The following ASH1L variants were observed in gnomAD, a reference collection of about 807,000 sequenced individuals.
The protein encoded by ASH1L is ASH1 like histone lysine methyltransferase, also known as histone-lysine N-methyltransferase ASH1L.
Under a neutral mutation model 269.0 loss-of-function variants are expected in ASH1L, and 23 were observed. The ratio of observed to expected loss-of-function variants is 0.09; its 90% CI spans 0.06 to 0.12. The LOEUF is 0.12. Ranked by LOEUF, ASH1L falls within the 10% of genes least tolerant of loss-of-function variation. The pLI, the probability that ASH1L is intolerant of heterozygous loss-of-function variation, is 1.00. For missense variants in ASH1L, 2,912 were observed against 3,567.8 expected (o/e 0.82, Z 4.68); for synonymous variants, 1,187 against 1,253.5 (o/e 0.95, Z 1.12).
chr1:155,386,923 GA>G (rs1231760456), intron 7 of ASH1L, among the ~76,000 whole-genome samples: 1 of 151,792 alleles, frequency 6.6e-6, no homozygotes, highest in African/African-American at 2.4e-5. Context: ...CCTATGTCCT[GA>G]ATGGTACTGC....
chr1:155,478,588 G>A lies in ASH1L; in HGVS notation c.4282C>T (p.His1428Tyr). The change falls in exon 3 of 28, where the codon CAT becomes TAT. Residue 1428 changes from histidine (H) to tyrosine (Y), a missense_variant. By Grantham distance (83) the His-to-Tyr change is moderately conservative (BLOSUM62 2). Transcript: ENST00000392403. The surrounding 1 kb of genome is among the most constrained non-coding windows in gnomAD (Gnocchi z 4.6). ...TTPLPPPSYM[H>Y]AGHLLLNPAK... ...GGATTGAGAAGTAAATGACCAGCAT[G>A]CATATAGGAAGGAGGTGGAAGTGGC... 1.2e-6 allele frequency: 2 copies of A among 1,614,024 alleles called. No individual in the cohort carries two copies. The highest frequency in any genetic ancestry group is 1.7e-6 in the Non-Finnish European group (2 of 1,180,012).
At chr1:155,361,211 G>A (rs563978462) in intron 12 of ASH1L, among the ~76,000 whole-genome samples, 5 of 151,474 alleles carry the variant, frequency 3.3e-5, no homozygotes, top group African/African-American at 4.9e-5. Flanking sequence ...GTGAAACCCC[G>A]TCTCTACTAA....
intron 6 of ASH1L, among the ~76,000 whole-genome samples, chr1:155,407,561 T>C (rs553907151): frequency 6.6e-6 from 1 of 152,282 alleles, no homozygotes; most frequent in Non-Finnish European, 1.5e-5. Flanking sequence ...CTATGAAGTA[T>C]CTATATAATC....
At position 155,562,694 on chromosome 1, in the gene ASH1L, C is replaced by T. The variant is rs1037676905; in HGVS notation, c.-641G>A. ...CCGCGCGCCAGCCAGCCCGTACGCG[C>T]TCACCCACAGGAACCCCCTCGTCCA... On this transcript the variant is annotated 5_prime_UTR_variant, in exon 1 of 28. Transcript: ENST00000392403. 3.3e-6 allele frequency: 5 copies of T among 1,508,878 alleles called. No homozygotes were observed. The highest frequency in any genetic ancestry group is 1.4e-5 in the African/African-American group (1 of 72,372). The allele number at this position is 1,508,878 out of a possible 1,614,324, so 93.5% of individuals were successfully genotyped here.
chr1:155,557,532 G>A (rs569728223), intron 1 of ASH1L, among the ~76,000 whole-genome samples: 5 of 151,684 alleles, frequency 3.3e-5, no homozygotes, highest in Admixed American at 1.3e-4. Flanking sequence ...CGCCCACCTC[G>A]GCCTCCCAAA....
chr1:155,523,506 TTG>T (rs1183093958), intron 1 of ASH1L, among the ~76,000 whole-genome samples: 2 of 152,158 alleles, frequency 1.3e-5, no homozygotes, highest in Admixed American at 6.5e-5. Context: ...GAAAAAATAG[TTG>T]TCTTATGACT....
rs557836630 is a variant in ASH1L at position 155,418,590 on chromosome 1, T to C, written c.5829-2667A>G. On this transcript the variant is annotated intron_variant, in intron 5 of 27. Coordinates refer to ENST00000392403, the MANE Select transcript of ASH1L (RefSeq NM_018489.3). Reference sequence around the variant, plus strand: ...AACAAAAACCAGATATACAATGATGTAACATTCACAAAATAAAAAATTCAC... The same window carrying C: ...AACAAAAACCAGATATACAATGATGCAACATTCACAAAATAAAAAATTCAC... 5.9e-5 allele frequency among the ~76,000 whole-genome samples: 9 copies of C among 152,172 alleles called. No individual in the cohort carries two copies. In the South Asian group the frequency reaches 1.7e-3, roughly 28 times the overall value.
At chr1:155,541,223 C>A (rs1670406933) in intron 1 of ASH1L, among the ~76,000 whole-genome samples, 1 of 152,100 alleles carries the variant, frequency 6.6e-6, no homozygotes, top group Non-Finnish European at 1.5e-5. Flanking sequence ...CAAAAAATAT[C>A]TATTGAATGA....
chr1:155,352,980 GCA>G (rs1654063414), intron 16 of ASH1L, 122 bp from the exon 17 acceptor site: 1 of 834,018 alleles, frequency 1.2e-6, no homozygotes, highest in Non-Finnish European at 1.8e-6. Context: ...AGATTAGTGG[GCA>G]CAGAGTTCTT....
At position 155,343,823 on chromosome 1, in the gene ASH1L, G is replaced by A; in HGVS notation, c.7982-81C>T. The A allele has an allele frequency of 6.6e-7, 1 of 1,506,246 alleles. No individual in the cohort carries two copies. Among genetic ancestry groups the A allele is most frequent in the Non-Finnish European group, 9.1e-7 (1 of 1,100,992 alleles). 93.3% of individuals were successfully genotyped at this position (1,506,246 alleles called of 1,614,324 possible). A position where few individuals can be genotyped will look rare whatever the true frequency, so the allele number is the denominator to read the frequency against. ...TAGGCATCTGTTTATCTGACTCAGG[G>A]TCTACATAGAACTCATAATCTGAAA... On this transcript the variant is annotated intron_variant, in intron 22 of 27. Coordinates refer to ENST00000392403, the MANE Select transcript of ASH1L (RefSeq NM_018489.3). This position sits in a 1 kb window ranked among gnomAD's most constrained non-coding sequence, Gnocchi z 6.1.
intron 5 of ASH1L, chr1:155,419,365 A>G (rs1042229496): frequency 6.6e-6 from 1 of 151,766 alleles, no homozygotes; most frequent in African/African-American, 2.4e-5. Context: ...AGAAATCAAA[A>G]TAAAACAAAA....
At chr1:155,490,229 G>A (rs528716935) in intron 2 of ASH1L, among the ~76,000 whole-genome samples, 1 of 151,942 alleles carries the variant, frequency 6.6e-6, no homozygotes. Flanking sequence ...CTCCCAAAGT[G>A]CTGGGATTAC....
Position 155,540,398 on chromosome 1 carries a change from T to C in ASH1L, c.-99-18780A>G, listed in dbSNP as rs148671053. ...CTGTTTACTTTTTGTTGTTGTTAAC[T>C]GCCCCTACATATCTCTGGCCTCACC... On this transcript the variant is annotated intron_variant, in intron 1 of 27. Coordinates refer to ENST00000392403, the MANE Select transcript of ASH1L (RefSeq NM_018489.3). Among the ~76,000 whole-genome samples, 461 of 152,312 alleles carry C rather than the reference T, an allele frequency of 3.0e-3. 6 individuals are homozygous for C. The highest frequency in any genetic ancestry group is 7.9e-3 in the East Asian group (41 of 5,188).
chr1:155,359,668 CG>C (rs1027921482), intron 13 of ASH1L, among the ~76,000 whole-genome samples: 3 of 151,630 alleles, frequency 2.0e-5, no homozygotes, highest in Non-Finnish European at 4.4e-5. Context: ...CTCCACCTCC[CG>C]GGCTCAAGCA....
At chr1:155,490,037 C>T (rs1338915066) in intron 2 of ASH1L, among the ~76,000 whole-genome samples, 4 of 151,002 alleles carry the variant, frequency 2.6e-5, no homozygotes, top group Admixed American at 2.0e-4. Context: ...GGTGCCATCT[C>T]GGCTCACTGC....
At position 155,481,263 on chromosome 1, in the gene ASH1L, C is replaced by T; in HGVS notation, c.1607G>A (p.Gly536Asp). 1 of 1,614,082 alleles carries T rather than the reference C, an allele frequency of 6.2e-7. No individual in the cohort carries two copies. Among genetic ancestry groups the T allele is most frequent in the South Asian group, 1.1e-5 (1 of 91,078 alleles). ...YCTSPDFKMG[G>D]ASDVSTAKSP... The stretch of plus-strand genomic sequence containing the variant: ...TTTAGCGGTAGATACATCAGAAGCA[C>T]CTCCCATTTTAAAGTCCGGAGAAGT... Residue 536 changes from glycine (G) to aspartate (D), a missense_variant, in exon 3 of 28, where the codon GGT (glycine) becomes GAT (aspartate). Gly to Asp is a moderately conservative substitution (Grantham distance 94, BLOSUM62 -1). Around this residue, in one of 13 missense-constraint regions of ASH1L, gnomAD observed 715 missense variants for 721.0 expected, o/e 0.99. Coordinates refer to ENST00000392403, the MANE Select transcript of ASH1L (RefSeq NM_018489.3).
At chr1:155,347,433 G>GA (rs1653455321) in intron 20 of ASH1L, among the ~76,000 whole-genome samples, 2 of 151,868 alleles carry the variant, frequency 1.3e-5, no homozygotes, top group South Asian at 4.2e-4. Flanking sequence ...AAAAAAACAA[G>GA]AAGAGAGGAG....
intron 2 of ASH1L, among the ~76,000 whole-genome samples, chr1:155,517,730 T>A (rs1668586392): frequency 6.6e-6 from 1 of 150,892 alleles, no homozygotes; most frequent in Admixed American, 6.7e-5. Context: ...GACAGACATA[T>A]GGACCAATGG....
intron 21 of ASH1L, among the ~76,000 whole-genome samples, chr1:155,345,272 C>T (rs894122102): frequency 1.3e-5 from 2 of 150,288 alleles, no homozygotes; most frequent in Non-Finnish European, 3.0e-5. Context: ...CCTCTGCCGC[C>T]CAGGTTCAAG....
Sources: allele counts gnomAD v4.1 joint callset (sites outside exome capture counted in the v4.1 genomes callset), GRCh38; gene constraint gnomAD v4.1.1; regional missense constraint gnomAD v4.1.1; non-coding constraint Gnocchi (gnomAD v3.1); transcripts MANE v1.5; gene names NCBI Gene and HGNC (gene_info 2026-07-23, HGNC 2026-07-21).